The following ENOX1 variants were observed in gnomAD, a reference collection of about 807,000 sequenced individuals.
ENOX1 encodes the protein ecto-NOX disulfide-thiol exchanger 1.
In ENOX1, 42 loss-of-function variants were observed where a neutral mutation model predicts 82.5. The observed-to-expected ratio is 0.51, with a 90% CI of 0.40 to 0.66. The LOEUF is 0.66. ENOX1 is among the 30% of genes least tolerant of loss of function. The pLI is 0.00. For synonymous variants in ENOX1, 271 were observed against 282.2 expected (o/e 0.96, Z 0.40); for missense variants, 608 against 811.6 (o/e 0.75, Z 3.05).
intron 12 of ENOX1, among the ~76,000 whole-genome samples, chr13:43,291,386 T>C (rs891925337): frequency 1.3e-5 from 2 of 152,194 alleles, no homozygotes; most frequent in Non-Finnish European, 2.9e-5. Flanking sequence ...AAGTTCACTA[T>C]CTATCTTTGT....
chr13:43,604,483 T>C (rs1290411585), intron 2 of ENOX1, among the ~76,000 whole-genome samples: 1 of 152,222 alleles, frequency 6.6e-6, no homozygotes, highest in East Asian at 1.9e-4. Context: ...TTTATTGTAT[T>C]GAGGTATATT....
chr13:43,619,130 C>A (rs1037997425), intron 2 of ENOX1, among the ~76,000 whole-genome samples: 50 of 151,922 alleles, frequency 3.3e-4, no homozygotes, highest in Admixed American at 1.6e-3. Context: ...AGTTCTAGAA[C>A]CTTTCTGGAG....
intron 12 of ENOX1, among the ~76,000 whole-genome samples, chr13:43,290,907 G>A (rs1442782258): frequency 6.6e-6 from 1 of 152,052 alleles, no homozygotes; most frequent in Admixed American, 6.6e-5. Context: ...CACGCCTGTA[G>A]TCCCAGCTAC....
intron 12 of ENOX1, among the ~76,000 whole-genome samples, chr13:43,271,403 T>C (rs920772089): frequency 2.0e-5 from 3 of 152,138 alleles, no homozygotes; most frequent in African/African-American, 7.2e-5. Flanking sequence ...AGCATATTCA[T>C]AGGAAAGGAT....
At chr13:43,726,715 CTT>C (rs1491172516) in intron 1 of ENOX1, among the ~76,000 whole-genome samples, 15 of 119,726 alleles carry the variant, frequency 1.3e-4, no homozygotes, top group African/African-American at 7.0e-5. Context: ...AACGCATTGA[CTT>C]TTGTGTGTGT....
intron 3 of ENOX1, among the ~76,000 whole-genome samples, chr13:43,434,947 T>TTG (rs1345768839): frequency 3.4e-5 from 5 of 146,250 alleles, no homozygotes; most frequent in East Asian, 2.0e-4. Flanking sequence ...GTTTTTTTTT[T>TTG]TTTTTTTTTT....
intron 2 of ENOX1, chr13:43,545,786 A>T (rs548384008): frequency 6.6e-6 from 1 of 152,342 alleles, no homozygotes; most frequent in African/African-American, 2.4e-5. Flanking sequence ...GTTTCAGAAG[A>T]AGATGTCTCC....
chr13:43,354,619 G>A (rs2050032354), intron 8 of ENOX1, among the ~76,000 whole-genome samples: 1 of 152,088 alleles, frequency 6.6e-6, no homozygotes, highest in Non-Finnish European at 1.5e-5. Context: ...TAAAACACTT[G>A]AAGGATCAAT....
chr13:43,277,728 G>A (rs2045137801), intron 12 of ENOX1, among the ~76,000 whole-genome samples: 1 of 152,170 alleles, frequency 6.6e-6, no homozygotes, highest in African/African-American at 2.4e-5. Context: ...AGAGAACAAG[G>A]ACTTAGAGCT....
At chr13:43,225,996 T>C (rs1025745347) in intron 15 of ENOX1, among the ~76,000 whole-genome samples, 1 of 152,234 alleles carries the variant, frequency 6.6e-6, no homozygotes, top group African/African-American at 2.4e-5. Flanking sequence ...GCAATGATGA[T>C]ACTTTAAAAA....
At chr13:43,742,221 A>G (rs1283993949) in intron 1 of ENOX1, among the ~76,000 whole-genome samples, 1 of 152,110 alleles carries the variant, frequency 6.6e-6, no homozygotes, top group Non-Finnish European at 1.5e-5. Context: ...TGGCACACAT[A>G]TTATTGAGGC....
chr13:43,643,243 T>C (rs1382836040), intron 2 of ENOX1, among the ~76,000 whole-genome samples: 1 of 151,984 alleles, frequency 6.6e-6, no homozygotes, highest in African/African-American at 2.4e-5. Flanking sequence ...GTGTTTGTGT[T>C]CCCCCACCGT....
intron 1 of ENOX1, among the ~76,000 whole-genome samples, chr13:43,689,070 C>A (rs2153802466): frequency 6.6e-6 from 1 of 152,208 alleles, no homozygotes; most frequent in Admixed American, 6.5e-5. Flanking sequence ...TCCTACTCAG[C>A]CAAAAGGAGG....
rs186865555 is a variant in ENOX1, at chr13:43,298,782, A to G, written c.1262-252T>C. ...TGGGCACAGGATTAATTCCTCCCAA[A>G]TTCTCATCCCTTGACCTCTCCCTCA... On this transcript the variant is annotated intron_variant, in intron 11 of 16. Transcript: ENST00000690772. Among the ~76,000 whole-genome samples, 219 of 152,290 alleles carry G rather than the reference A, an allele frequency of 1.4e-3. 2 individuals are homozygous for G. Among genetic ancestry groups the G allele is most frequent in the South Asian group, 1.0e-3 (5 of 4,830 alleles).
intron 14 of ENOX1, among the ~76,000 whole-genome samples, chr13:43,263,370 G>T (rs1250173241): frequency 6.6e-6 from 1 of 152,130 alleles, no homozygotes; most frequent in Non-Finnish European, 1.5e-5. Flanking sequence ...TACTGAGCCA[G>T]AACCCCATCT....
intron 1 of ENOX1, among the ~76,000 whole-genome samples, chr13:43,693,584 A>C (rs920598458): frequency 6.6e-6 from 1 of 152,134 alleles, no homozygotes. Flanking sequence ...TATCCATTCA[A>C]CTCTGATCAT....
intron 4 of ENOX1, 25 bp downstream of exon 4, chr13:43,412,820 T>C (rs765781081): frequency 1.8e-5 from 29 of 1,613,306 alleles, no homozygotes; most frequent in Middle Eastern, 3.3e-4. Context: ...CTTGTTTGTG[T>C]CCTGTGCTGG....
chr13:43,655,247 A>G (rs948546867), intron 2 of ENOX1, among the ~76,000 whole-genome samples: 2 of 152,248 alleles, frequency 1.3e-5, no homozygotes, highest in African/African-American at 2.4e-5. Flanking sequence ...TATGTTTCGC[A>G]AACTGTTCCA....
At chr13:43,321,097 C>T in intron 11 of ENOX1, 1 of 456,204 alleles carries the variant, frequency 2.2e-6, no homozygotes, top group Non-Finnish European at 4.4e-6. Context: ...GTATGTTAAG[C>T]ACCTGAAAGA....
Sources: allele counts gnomAD v4.1 joint callset (sites outside exome capture counted in the v4.1 genomes callset), GRCh38; gene constraint gnomAD v4.1.1; transcripts MANE v1.5; gene names NCBI Gene and HGNC (gene_info 2026-07-23, HGNC 2026-07-21).